Variants in GLE1 observed in about 807,000 individuals in gnomAD.
GLE1 encodes mRNA export factor GLE1.
In GLE1, 78 loss-of-function variants were observed where a neutral mutation model predicts 97.3. The observed-to-expected ratio is 0.80, with a 90% CI of 0.67 to 0.97. The LOEUF is 0.97. Among genes scored for constraint, GLE1 ranks in the 50% least tolerant of loss-of-function variants. The probability of loss-of-function intolerance (pLI) is 0.00; values close to 1 mark genes in which losing one functional copy is unlikely to be tolerated. For synonymous variants in GLE1, 302 were observed against 313.4 expected (o/e 0.96, Z 0.39); for missense variants, 753 against 857.5 (o/e 0.88, Z 1.52).
At position 128,536,481 on chromosome 9, in the gene GLE1, G is replaced by A. The variant is rs1418190346; in HGVS notation, c.1773G>A (p.Gln591=). ...IQLRWPYGNR[Q]EIHPHGLNHG... is the part of the protein sequence containing the mutation. ...TCCGGTGGCCATATGGAAACCGACA[G>A]GAGGTAGGTAAAAGAGGCTTACTGT... The change falls in exon 12 of 16, where the codon CAG becomes CAA. Residue 591 remains glutamine, a synonymous_variant. Coordinates refer to ENST00000309971, the MANE Select transcript of GLE1 (RefSeq NM_001003722.2). The A allele has an allele frequency of 6.2e-6, 10 of 1,613,334 alleles. No individual in the cohort carries two copies. In the South Asian group the frequency reaches 1.1e-4, roughly 18 times the overall value.
At chr9:128,518,235 T>A (rs564925255) in intron 3 of GLE1, among the ~76,000 whole-genome samples, 1 of 152,122 alleles carries the variant, frequency 6.6e-6, no homozygotes, top group South Asian at 2.1e-4. Context: ...ATGGAAGGAT[T>A]GTCAGACAAT....
chr9:128,540,971 G>A (rs963417951), intron 15 of GLE1, 131 bp from the exon 16 acceptor site: 1 of 723,262 alleles, frequency 1.4e-6, no homozygotes, highest in Admixed American at 2.0e-5. Flanking sequence ...CAGTCTTACT[G>A]GCTTTTTCCT....
chr9:128,535,137 A>G (rs1847659048), intron 11 of GLE1, among the ~76,000 whole-genome samples: 1 of 152,078 alleles, frequency 6.6e-6, no homozygotes, highest in Non-Finnish European at 1.5e-5. Context: ...ACAATTTGGG[A>G]GGTTGAAGCA....
intron 1 of GLE1, among the ~76,000 whole-genome samples, chr9:128,507,650 G>A (rs1356868867): frequency 6.6e-6 from 1 of 151,956 alleles, no homozygotes; most frequent in Non-Finnish European, 1.5e-5. Context: ...CACTTTGGGA[G>A]GCTGAGGTGG....
At chr9:128,525,074 G>A (rs1589057680) in intron 6 of GLE1, 118 bp from the exon 7 acceptor site, 2 of 758,952 alleles carry the variant, frequency 2.6e-6, no homozygotes, top group South Asian at 1.5e-5. Flanking sequence ...GTATCAATTC[G>A]TTGAATGTGG....
intron 14 of GLE1, chr9:128,539,968 G>T: frequency 1.1e-6 from 1 of 894,386 alleles, no homozygotes; most frequent in Non-Finnish European, 1.6e-6. Flanking sequence ...GCCTATAATT[G>T]CAGCTCTTTG....
At position 128,522,603 on chromosome 9, in the gene GLE1, C is replaced by G. The variant is rs146578060; in HGVS notation, c.433-65C>G. 1.1e-4 allele frequency: 166 copies of G among 1,509,774 alleles called. No homozygotes were observed. The African/African-American group carries it at 2.2e-3, about 20-fold the overall frequency. 93.5% of individuals were successfully genotyped at this position (1,509,774 alleles called of 1,614,324 possible). On this transcript the variant is annotated intron_variant, in intron 3 of 15. Coordinates refer to ENST00000309971, the MANE Select transcript of GLE1 (RefSeq NM_001003722.2). ...GAGTTGGAGGTTGCAGTGAGCTGCA[C>G]TCCAGCCTGGCGACAGAGAGAGATT...
chr9:128,530,681 T>A (rs577992941), intron 9 of GLE1, among the ~76,000 whole-genome samples: 727 of 146,488 alleles, frequency 5.0e-3, no homozygotes, highest in Non-Finnish European at 7.6e-3. Flanking sequence ...AGGCCGAGCC[T>A]GGCGGGTCAC....
intron 5 of GLE1, 35 bp from the exon 6 acceptor site, chr9:128,523,557 C>A: frequency 6.2e-7 from 1 of 1,612,468 alleles, no homozygotes; most frequent in East Asian, 2.2e-5. Flanking sequence ...GCCCAGGAAC[C>A]CCTCAGAGAG....
chr9:128,526,443 G>A (rs765745416), intron 7 of GLE1, among the ~76,000 whole-genome samples: 4 of 151,378 alleles, frequency 2.6e-5, no homozygotes, highest in Admixed American at 2.0e-4. Context: ...TACAACCTCC[G>A]CCTCCCAGGT....
rs1236932210 is a variant in GLE1 at position 128,523,479 on chromosome 9, T to G, written c.643-113T>G. The G allele has an allele frequency of 4.8e-6, 7 of 1,448,966 alleles. No homozygotes were observed. In the Admixed American group the frequency reaches 1.0e-4, roughly 21 times the overall value. 89.8% of individuals were successfully genotyped at this position (1,448,966 alleles called of 1,614,324 possible). ...GTATGACTAACCTTGGGATGTCCTC[T>G]TCCTGCTCTGAGCCCATCTGTGAAA... On this transcript the variant is annotated intron_variant, in intron 5 of 15. Transcript: ENST00000309971.
upstream of GLE1, chr9:128,504,702 G>T (rs1408321449): frequency 3.6e-6 from 3 of 827,010 alleles, no homozygotes; most frequent in Non-Finnish European, 6.3e-6. Context: ...GCTGTGCTGC[G>T]CGCGCGTCCC....
rs745580001 is a variant in GLE1 at position 128,538,094 on chromosome 9, C to T, written c.1881+4C>T. 17 of 1,502,526 alleles carry T rather than the reference C, an allele frequency of 1.1e-5. No homozygotes were observed. The highest frequency in any genetic ancestry group is 1.5e-5 in the Non-Finnish European group (16 of 1,078,722). 93.1% of individuals were successfully genotyped at this position (1,502,526 alleles called of 1,614,324 possible). ...CCTCCTCTTTGACTTCCTGGAGGTA[C>T]GTAACTCAGTTATCACACAAGAGAA... On this transcript the variant is annotated splice_donor_region_variant and intron_variant, in intron 13 of 15. Coordinates refer to ENST00000309971, the MANE Select transcript of GLE1 (RefSeq NM_001003722.2).
chr9:128,523,172 A>G (rs1847202590), intron 4 of GLE1, 108 bp from the exon 5 acceptor site: 2 of 893,696 alleles, frequency 2.2e-6, no homozygotes, highest in Admixed American at 3.5e-5. Context: ...ATCTCTAAGA[A>G]AAAGGGAAGG....
At chr9:128,540,709 G>A in intron 15 of GLE1, 1 of 358,570 alleles carries the variant, frequency 2.8e-6, no homozygotes, top group Admixed American at 4.4e-5. Flanking sequence ...ACTTTCAGTT[G>A]GACTCTTCCC....
chr9:128,535,747 A>C (rs1232406067), intron 11 of GLE1, among the ~76,000 whole-genome samples: 1 of 151,886 alleles, frequency 6.6e-6, no homozygotes. Flanking sequence ...CTTGAACCCG[A>C]GAGGCGGAGA....
intron 2 of GLE1, among the ~76,000 whole-genome samples, chr9:128,510,501 A>G (rs1186272958): frequency 7.2e-6 from 1 of 139,672 alleles, no homozygotes; most frequent in Non-Finnish European, 1.5e-5. Context: ...TGCTGGGATT[A>G]CAGGTGTGAA....
At position 128,533,872 on chromosome 9, in the gene GLE1, C is replaced by T. The variant is rs1554724824; in HGVS notation, c.1567C>T (p.His523Tyr). ...HPRVGDLILA[H>Y]LHKKCPYSVP... is the part of the protein sequence containing the mutation. ...CAGAGTGGGGGACCTCATTCTTGCT[C>T]ATCTACATAAGAAGTGTCCTTACTC... Residue 523 changes from histidine to tyrosine, a missense_variant, in exon 11 of 16, where the codon CAT (histidine) becomes TAT (tyrosine). Coordinates refer to ENST00000309971, the MANE Select transcript of GLE1 (RefSeq NM_001003722.2). 6.2e-7 allele frequency: 1 copy of T among 1,612,948 alleles called. No individual in the cohort carries two copies. The highest frequency in any genetic ancestry group is 2.2e-5 in the East Asian group (1 of 44,884).
chr9:128,514,359 A>AT (rs1255367467), intron 2 of GLE1, among the ~76,000 whole-genome samples: 1 of 148,468 alleles, frequency 6.7e-6, no homozygotes, highest in African/African-American at 2.5e-5. Flanking sequence ...AAAAAAAAAA[A>AT]CTTAGAAAAG....
Sources: allele counts gnomAD v4.1 joint callset (sites outside exome capture counted in the v4.1 genomes callset), GRCh38; gene constraint gnomAD v4.1.1; transcripts MANE v1.5; gene names NCBI Gene and HGNC (gene_info 2026-07-23, HGNC 2026-07-21).